MRAS: variants seen among roughly 807,000 people sequenced by gnomAD.
The protein encoded by MRAS is ras-related protein M-Ras.
In MRAS, 4 loss-of-function variants were observed where a neutral mutation model predicts 20.9. The observed-to-expected ratio is 0.19, with a 90% CI of 0.09 to 0.44. MRAS has a LOEUF of 0.44. Ranked by LOEUF, MRAS falls within the 20% of genes least tolerant of loss-of-function variation. MRAS has a pLI of 0.99. For missense variants in MRAS, 154 were observed against 277.5 expected, an observed-to-expected ratio of 0.56 and a Z score of 3.16; for synonymous variants, 98 against 102.9, an observed-to-expected ratio of 0.95 and a Z score of 0.29.
At chr3:138,390,042 G>GAGAAGC (rs1210097512) in intron 2 of MRAS, among the ~76,000 whole-genome samples, 1 of 144,320 alleles carries the variant, frequency 6.9e-6, no homozygotes, top group Non-Finnish European at 1.5e-5. Flanking sequence ...AAGGGAGGAG[G>GAGAAGC]AGAAGCAGAG....
chr3:138,363,683 GA>G (rs2108507034), intron 1 of MRAS, among the ~76,000 whole-genome samples: 1 of 152,204 alleles, frequency 6.6e-6, no homozygotes, highest in Non-Finnish European at 1.5e-5. Context: ...TGTGTGTCTT[GA>G]GAGGAGCATG....
intron 1 of MRAS, among the ~76,000 whole-genome samples, chr3:138,364,606 T>A (rs2054522734): frequency 6.6e-6 from 1 of 152,148 alleles, no homozygotes; most frequent in Non-Finnish European, 1.5e-5. Flanking sequence ...GGGCTGAGGC[T>A]GGGGCACGGA....
chr3:138,383,647 G>C (rs1308440278), intron 2 of MRAS, among the ~76,000 whole-genome samples: 1 of 152,208 alleles, frequency 6.6e-6, no homozygotes, highest in African/African-American at 2.4e-5. Flanking sequence ...GCCCAGAGTT[G>C]TGTGAATTGA....
intron 5 of MRAS, among the ~76,000 whole-genome samples, chr3:138,401,298 T>A (rs570723568): frequency 2.0e-5 from 3 of 152,274 alleles, no homozygotes; most frequent in African/African-American, 7.2e-5. Flanking sequence ...TGCGTTGAGT[T>A]TGTGGCCTAT....
intron 2 of MRAS, among the ~76,000 whole-genome samples, chr3:138,373,838 T>A (rs1007778565): frequency 7.2e-5 from 11 of 152,204 alleles, no homozygotes; most frequent in African/African-American, 2.7e-4. Context: ...ATTTTAACAA[T>A]GTTGAGGCTT....
chr3:138,374,945 G>A (rs951727534), intron 2 of MRAS, among the ~76,000 whole-genome samples: 39 of 152,172 alleles, frequency 2.6e-4, no homozygotes, highest in African/African-American at 9.4e-4. Flanking sequence ...ACAGTGGCAT[G>A]ATCTTAGCTC....
intron 2 of MRAS, among the ~76,000 whole-genome samples, chr3:138,378,471 T>C (rs253662): frequency 0.84 from 128,308 of 152,098 alleles, 54,353 homozygotes; most frequent in East Asian, 0.97. Flanking sequence ...TCTCACTTTA[T>C]ATTGTCAAGG....
At chr3:138,383,046 G>T (rs2054937540) in intron 2 of MRAS, among the ~76,000 whole-genome samples, 1 of 152,184 alleles carries the variant, frequency 6.6e-6, no homozygotes, top group South Asian at 2.1e-4. Flanking sequence ...TCTGGACAAA[G>T]ACCTTGCACC....
At chr3:138,349,274 A>G (rs1034077404) in intron 1 of MRAS, 2 of 152,400 alleles carry the variant, frequency 1.3e-5, no homozygotes, top group African/African-American at 4.8e-5. Context: ...TGTGGTCACA[A>G]CTAGGGCCTG....
chr3:138,379,221 C>T (rs1421782954), intron 2 of MRAS, among the ~76,000 whole-genome samples: 5 of 152,186 alleles, frequency 3.3e-5, no homozygotes, highest in African/African-American at 1.2e-4. Flanking sequence ...ATTCCACTCT[C>T]TACCTCCATG....
intron 2 of MRAS, among the ~76,000 whole-genome samples, chr3:138,391,000 C>T (rs1222995716): frequency 6.6e-6 from 1 of 152,094 alleles, no homozygotes; most frequent in Non-Finnish European, 1.5e-5. Flanking sequence ...TTTCTCATTC[C>T]AAATGCTTGT....
At chr3:138,361,925 C>G (rs2054456848) in intron 1 of MRAS, among the ~76,000 whole-genome samples, 1 of 152,186 alleles carries the variant, frequency 6.6e-6, no homozygotes, top group African/African-American at 2.4e-5. Flanking sequence ...AAAAATAAAA[C>G]CACTTCCTAC....
At chr3:138,394,441 G>A (rs1238197612) in intron 2 of MRAS, among the ~76,000 whole-genome samples, 1 of 152,130 alleles carries the variant, frequency 6.6e-6, no homozygotes, top group Non-Finnish European at 1.5e-5. Context: ...AAGGGCTGTG[G>A]GGACAGGTGA....
intron 1 of MRAS, among the ~76,000 whole-genome samples, chr3:138,366,132 G>A (rs1207716005): frequency 6.6e-6 from 1 of 152,202 alleles, no homozygotes; most frequent in African/African-American, 2.4e-5. Context: ...TTAACACACA[G>A]CTTGCAGGTC....
At chr3:138,399,053 C>T (rs181015071) in intron 4 of MRAS, among the ~76,000 whole-genome samples, 57 of 152,344 alleles carry the variant, frequency 3.7e-4, no homozygotes, top group South Asian at 1.4e-3. Context: ...GGGCATCTGC[C>T]ATGGCCGGAT....
chr3:138,387,649 C>T lies in MRAS; in HGVS notation c.194-9675C>T, dbSNP rs142219828. Among the ~76,000 whole-genome samples the T allele has an allele frequency of 5.6e-4, 85 of 152,302 alleles. 1 individual carries two copies. In the Middle Eastern group the frequency reaches 0.01, roughly 18 times the overall value. On this transcript the variant is annotated intron_variant, in intron 2 of 5. Transcript: ENST00000423968. ...TCCCAGTTGTCTCCCTGTTTCTCTG[C>T]GCTGCCAGGCCCCCGTCTGTTGGTG...
chr3:138,370,976 GACTGCATAGT>G (rs1029489953), intron 1 of MRAS, among the ~76,000 whole-genome samples: 1 of 152,052 alleles, frequency 6.6e-6, no homozygotes, highest in Non-Finnish European at 1.5e-5. Context: ...CCTTTTAAAT[GACTGCATAGT>G]ACTCCATTAT....
At chr3:138,368,209 TAACAG>T (rs1450230652) in intron 1 of MRAS, among the ~76,000 whole-genome samples, 1 of 152,182 alleles carries the variant, frequency 6.6e-6, no homozygotes, top group Non-Finnish European at 1.5e-5. Flanking sequence ...GTCTGGCTGT[TAACAG>T]AGCAGAGATG....
chr3:138,371,683 T>A (rs768308685), intron 1 of MRAS, among the ~76,000 whole-genome samples: 12 of 152,132 alleles, frequency 7.9e-5, no homozygotes, highest in Non-Finnish European at 1.5e-4. Flanking sequence ...TACCAGGAGG[T>A]GGTATTGCTT....
Sources: gnomAD v4.1 joint callset for allele counts (sites outside exome capture counted in the v4.1 genomes callset) on GRCh38, gnomAD v4.1.1 for gene constraint, MANE v1.5 for transcripts, NCBI Gene and HGNC (gene_info 2026-07-23, HGNC 2026-07-21) for gene names.